The following KMT2C variants were observed in gnomAD, a reference collection of about 807,000 sequenced individuals.
The protein encoded by KMT2C is lysine methyltransferase 2C, also known as histone-lysine N-methyltransferase 2C.
In KMT2C, 88 loss-of-function variants were observed where a neutral mutation model predicts 507.9. The observed-to-expected ratio is 0.17, with a 90% CI of 0.15 to 0.21. The LOEUF (loss-of-function observed/expected upper bound fraction) is 0.21, where lower values mean the gene tolerates loss of function less well. KMT2C is among the 10% of genes least tolerant of loss of function. KMT2C has a pLI of 1.00. For synonymous variants in KMT2C, 2,049 were observed against 2,080.8 expected (o/e 0.98, Z 0.42); for missense variants, 4,954 against 5,957.8 (o/e 0.83, Z 5.55).
chr7:152,416,196 C>A (rs1252566747), intron 1 of KMT2C, among the ~76,000 whole-genome samples: 1 of 152,240 alleles, frequency 6.6e-6, no homozygotes, highest in African/African-American at 2.4e-5. Flanking sequence ...TCAAGACCAG[C>A]CTGGCCAACA....
chr7:152,179,759 C>A (rs2129117712), intron 37 of KMT2C, 75 bp downstream of exon 37: 2 of 1,396,532 alleles, frequency 1.4e-6, no homozygotes, highest in Non-Finnish European at 2.0e-6. Flanking sequence ...GGATTACAGG[C>A]ACAAGCCACC....
rs1370099551 is a variant in KMT2C, at chr7:152,139,235, T to C, written c.14485A>G (p.Met4829Val). Residue 4829 changes from methionine (M) to valine (V), a missense_variant, in exon 57 of 59, where the codon ATG becomes GTG. Physicochemically the swap from Met to Val is conservative, Grantham distance 21. Around this residue, in one of 29 missense-constraint regions of KMT2C, gnomAD observed 133 missense variants for 258.9 expected, o/e 0.51. Coordinates refer to ENST00000262189, the MANE Select transcript of KMT2C (RefSeq NM_170606.3). ...GCGTCAATCACATGGTCGTTATCCA[T>C]GCGGAACATGTACACACCACGGTTC... ...SQNRGVYMFR[M>V]DNDHVIDATL... 10 of 1,613,882 alleles carry C rather than the reference T, an allele frequency of 6.2e-6. No individual in the cohort carries two copies. Among genetic ancestry groups the C allele is most frequent in the South Asian group, 1.1e-5 (1 of 91,086 alleles).
intron 38 of KMT2C, among the ~76,000 whole-genome samples, chr7:152,174,635 A>T (rs1046004784): frequency 1.3e-5 from 2 of 152,168 alleles, no homozygotes; most frequent in Admixed American, 1.3e-4. Context: ...AAAATGCACC[A>T]ATTTCTTAAG....
Position 152,187,844 on chromosome 7 carries a change from G to C in KMT2C, c.4664C>G (p.Ala1555Gly), listed in dbSNP as rs371207950. ...ATTCATGAGAGGCATCCGTGAAAAA[G>C]CATCTTCAGAGAAAAAAATAATTCC... ...TQLLPIHNQD[A>G]FSRMPLMNGL... The change falls in exon 32 of 59, where the codon GCT (alanine) becomes GGT (glycine). Residue 1555 changes from alanine (A) to glycine (G), a missense_variant. This residue lies in a region of KMT2C where 195 missense variants were observed against 183.7 expected (regional missense o/e 1.06). Coordinates refer to ENST00000262189, the MANE Select transcript of KMT2C (RefSeq NM_170606.3). The C allele has an allele frequency of 3.1e-6, 5 of 1,612,534 alleles. No individual in the cohort carries two copies. Among genetic ancestry groups the C allele is most frequent in the Non-Finnish European group, 3.4e-6 (4 of 1,179,590 alleles).
intron 46 of KMT2C, among the ~76,000 whole-genome samples, chr7:152,154,726 CAT>C (rs2091915769): frequency 1.3e-5 from 2 of 152,114 alleles, no homozygotes; most frequent in African/African-American, 4.8e-5. Flanking sequence ...TAGCATGTAA[CAT>C]AGAGAGCATG....
chr7:152,339,091 T>C (rs2096965905), intron 2 of KMT2C, among the ~76,000 whole-genome samples: 2 of 152,224 alleles, frequency 1.3e-5, no homozygotes, highest in African/African-American at 4.8e-5. Flanking sequence ...ACTGATAGCA[T>C]AACAGGCTAT....
At chr7:152,223,664 T>G (rs560177169) in intron 20 of KMT2C, among the ~76,000 whole-genome samples, 1 of 152,080 alleles carries the variant, frequency 6.6e-6, no homozygotes, top group South Asian at 2.1e-4. Context: ...CGTGGTGGCA[T>G]GCACCTGTAG....
At chr7:152,354,856 G>A (rs2097140173) in intron 2 of KMT2C, among the ~76,000 whole-genome samples, 1 of 152,122 alleles carries the variant, frequency 6.6e-6, no homozygotes, top group South Asian at 2.1e-4. Flanking sequence ...CATGAACTTT[G>A]AATTTTATTC....
chr7:152,224,838 G>A (rs894231548), intron 18 of KMT2C, among the ~76,000 whole-genome samples: 27 of 152,072 alleles, frequency 1.8e-4, no homozygotes, highest in Admixed American at 6.6e-4. Flanking sequence ...ATATTTTAAC[G>A]CCTTTTTAAA....
At chr7:152,321,234 AAAATAAATAAAT>A (rs781567669) in intron 3 of KMT2C, among the ~76,000 whole-genome samples, 1 of 151,628 alleles carries the variant, frequency 6.6e-6, no homozygotes, top group African/African-American at 2.4e-5. Context: ...CCCTTTCAAG[AAAATAAATAAAT>A]AAATAAATAA....
At chr7:152,196,599 A>C (rs1254191958) in intron 27 of KMT2C, among the ~76,000 whole-genome samples, 3 of 152,248 alleles carry the variant, frequency 2.0e-5, no homozygotes, top group Non-Finnish European at 4.4e-5. Flanking sequence ...GTAATGACTG[A>C]AACAAAGTGC....
chr7:152,396,351 T>A (rs2097538002), intron 1 of KMT2C, among the ~76,000 whole-genome samples: 1 of 152,212 alleles, frequency 6.6e-6, no homozygotes, highest in Non-Finnish European at 1.5e-5. Context: ...CTGTCTCACT[T>A]CAAGAAATCG....
intron 31 of KMT2C, among the ~76,000 whole-genome samples, chr7:152,193,494 A>ACAAC (rs2093868469): frequency 6.6e-6 from 1 of 152,230 alleles, no homozygotes; most frequent in African/African-American, 2.4e-5. Flanking sequence ...CAAGACATGG[A>ACAAC]CAACTCTAGC....
At chr7:152,299,473 G>A (rs1428963672) in intron 6 of KMT2C, among the ~76,000 whole-genome samples, 2 of 151,934 alleles carry the variant, frequency 1.3e-5, no homozygotes, top group Non-Finnish European at 2.9e-5. Context: ...GGACAACATA[G>A]TGAGACCCCA....
rs557196448 is a variant in KMT2C, at chr7:152,367,626, G to C, written c.162-8951C>G. On this transcript the variant is annotated intron_variant, in intron 1 of 58. Coordinates refer to ENST00000262189, the MANE Select transcript of KMT2C (RefSeq NM_170606.3). ...CTCATAGAATTAAAAAGACTATACA[G>C]GTGGACAATCCAAAGTTTTAATCAA... 1.2e-4 allele frequency: 166 copies of C among 1,396,078 alleles called. 1 individual carries two copies. In the African/African-American group the frequency reaches 2.0e-3, roughly 17 times the overall value. 86.5% of individuals were successfully genotyped at this position (1,396,078 alleles called of 1,614,324 possible). A position where few individuals can be genotyped will look rare whatever the true frequency, so the allele number is the denominator to read the frequency against.
chr7:152,427,134 G>C (rs1207033902), intron 1 of KMT2C, among the ~76,000 whole-genome samples: 1 of 152,012 alleles, frequency 6.6e-6, no homozygotes, highest in Non-Finnish European at 1.5e-5. Context: ...TCCTGCCTCA[G>C]CCTCCCGAGT....
chr7:152,183,163 C>T lies in KMT2C; in HGVS notation c.5083-7G>A. 1 of 1,506,356 alleles carries T rather than the reference C, an allele frequency of 6.6e-7. No homozygotes were observed. The highest frequency in any genetic ancestry group is 2.4e-5 in the East Asian group (1 of 41,346). 93.3% of individuals were successfully genotyped at this position (1,506,356 alleles called of 1,614,324 possible). A position where few individuals can be genotyped will look rare whatever the true frequency, so the allele number is the denominator to read the frequency against. ...TGTTATCTCTGGCTTTTTGCTTTGACAAAAGAAGAGAAAAAAATTTCCCAG... is the reference window on the plus strand; with the variant it reads ...TGTTATCTCTGGCTTTTTGCTTTGATAAAAGAAGAGAAAAAAATTTCCCAG... On this transcript the variant is annotated splice_polypyrimidine_tract_variant and splice_region_variant and intron_variant, in intron 34 of 58. Coordinates refer to ENST00000262189, the MANE Select transcript of KMT2C (RefSeq NM_170606.3).
Position 152,183,050 on chromosome 7 carries a change from C to T in KMT2C, c.5189G>A (p.Arg1730His), listed in dbSNP as rs779514740. ...QQQDSIDPSSRIDSELFKDPL... is the reference protein window; with the variant it reads ...QQQDSIDPSSHIDSELFKDPL... ...ATCTTTAAAAAGCTCCGAATCAATA[C>T]GAGAGCTGGGATCAATGCTATCTTG... Residue 1730 changes from arginine to histidine, a missense_variant, in exon 35 of 59, where the codon CGT (arginine) becomes CAT (histidine). Transcript: ENST00000262189. The T allele has an allele frequency of 4.3e-6, 7 of 1,612,514 alleles. No homozygotes were observed. The highest frequency in any genetic ancestry group is 2.2e-5 in the East Asian group (1 of 44,800).
intron 3 of KMT2C, among the ~76,000 whole-genome samples, chr7:152,317,177 T>C (rs1322894414): frequency 2.0e-5 from 3 of 152,224 alleles, no homozygotes; most frequent in African/African-American, 7.2e-5. Context: ...AATTACTCTC[T>C]GGCTTAGAAG....
Sources: allele counts gnomAD v4.1 joint callset (sites outside exome capture counted in the v4.1 genomes callset), GRCh38; gene constraint gnomAD v4.1.1; regional missense constraint gnomAD v4.1.1; transcripts MANE v1.5; gene names NCBI Gene and HGNC (gene_info 2026-07-23, HGNC 2026-07-21).